Variants in PRICKLE2 observed in about 807,000 individuals in gnomAD.
The protein encoded by PRICKLE2 is prickle-like protein 2.
A neutral mutation model predicts 81.4 loss-of-function variants in PRICKLE2; 21 were observed. The ratio of observed to expected loss-of-function variants is 0.26; its 90% CI spans 0.18 to 0.37. The LOEUF (loss-of-function observed/expected upper bound fraction) is 0.37, where lower values mean the gene tolerates loss of function less well. PRICKLE2 is among the 10% of genes least tolerant of loss of function. PRICKLE2 has a pLI of 1.00. For missense variants in PRICKLE2, 940 were observed against 1,109.0 expected, an observed-to-expected ratio of 0.85 and a Z score of 2.16; for synonymous variants, 456 against 421.5, an observed-to-expected ratio of 1.08 and a Z score of -1.00.
At chr3:64,170,484 G>A (rs73124864) in intron 2 of PRICKLE2, among the ~76,000 whole-genome samples, 1 of 151,888 alleles carries the variant, frequency 6.6e-6, no homozygotes, top group Non-Finnish European at 1.5e-5. Context: ...TTTCACCTTT[G>A]TGCCTCTGCA....
At chr3:64,100,762 G>C (rs1385172805) in intron 7 of PRICKLE2, 1 of 152,236 alleles carries the variant, frequency 6.6e-6, no homozygotes, top group Non-Finnish European at 1.5e-5. Context: ...TTTGAAGGTA[G>C]TGGGAGATAC....
At chr3:64,217,103 C>T (rs961629519) in intron 1 of PRICKLE2, among the ~76,000 whole-genome samples, 4 of 152,140 alleles carry the variant, frequency 2.6e-5, no homozygotes, top group Non-Finnish European at 4.4e-5. Flanking sequence ...CCCCTGACTA[C>T]CTAACCAATG....
chr3:64,150,028 C>A (rs1663040922), intron 6 of PRICKLE2, among the ~76,000 whole-genome samples: 1 of 139,776 alleles, frequency 7.2e-6, no homozygotes. Flanking sequence ...CACCAGTGCT[C>A]CCCAGCAGAG....
rs112706347 is a variant in PRICKLE2, at chr3:64,174,631, A to C, written c.145-11502T>G. ...GCCTTTGTCAATGCAGAGTTCAAAG[A>C]TCTAAGCCTTGATGATAATGAGGGG... On this transcript the variant is annotated intron_variant, in intron 2 of 7. Coordinates refer to ENST00000638394, the MANE Select transcript of PRICKLE2 (RefSeq NM_198859.4). 365 of 189,238 alleles carry C rather than the reference A, an allele frequency of 1.9e-3. 1 individual carries two copies. Among genetic ancestry groups the C allele is most frequent in the African/African-American group, 5.1e-3 (213 of 42,132 alleles). 11.7% of individuals were successfully genotyped at this position (189,238 alleles called of 1,614,324 possible).
At chr3:64,105,048 C>T (rs1442708417) in intron 7 of PRICKLE2, among the ~76,000 whole-genome samples, 2 of 152,184 alleles carry the variant, frequency 1.3e-5, no homozygotes, top group Non-Finnish European at 2.9e-5. Context: ...CACTCCTCCT[C>T]GCTTAACTCT....
intron 1 of PRICKLE2, among the ~76,000 whole-genome samples, chr3:64,202,372 G>A (rs1208505322): frequency 6.6e-6 from 1 of 152,078 alleles, no homozygotes; most frequent in Non-Finnish European, 1.5e-5. Context: ...ATGATATTAA[G>A]TCTGCCAATC....
At chr3:64,217,705 GAGA>G (rs2078893640) in intron 1 of PRICKLE2, among the ~76,000 whole-genome samples, 1 of 152,162 alleles carries the variant, frequency 6.6e-6, no homozygotes, top group African/African-American at 2.4e-5. Flanking sequence ...GTGCTGTGTT[GAGA>G]AGGACTCTGG....
At chr3:64,169,212 A>T (rs2077890362) in intron 2 of PRICKLE2, among the ~76,000 whole-genome samples, 1 of 152,120 alleles carries the variant, frequency 6.6e-6, no homozygotes, top group Non-Finnish European at 1.5e-5. Context: ...TCCTGTCTGG[A>T]ATGTAAACAC....
rs2076613243 is a variant in PRICKLE2 at position 64,099,188 on chromosome 3, G to A, written c.2398C>T (p.Arg800Cys). Reference sequence around the variant, plus strand: ...TCATCGCTTGTGACGTATCGCAGGCGCGCTGGCTGGGGGATGGGTTCTCCT... The same window carrying A: ...TCATCGCTTGTGACGTATCGCAGGCACGCTGGCTGGGGGATGGGTTCTCCT... The part of the protein sequence containing the change: ...FLGEPIPQPA[R>C]LRYVTSDELL... The change falls in exon 8 of 8, where the codon CGC (arginine) becomes TGC (cysteine). Residue 800 changes from arginine (R) to cysteine (C), a missense_variant. Arg to Cys is a radical substitution (Grantham distance 180, BLOSUM62 -3). Around this residue, in one of 2 missense-constraint regions of PRICKLE2, gnomAD observed 670 missense variants for 717.2 expected, o/e 0.93. Coordinates refer to ENST00000638394, the MANE Select transcript of PRICKLE2 (RefSeq NM_198859.4). This position sits in a 1 kb window ranked among gnomAD's most constrained non-coding sequence, Gnocchi z 4.3. The A allele has an allele frequency of 1.9e-6, 3 of 1,614,084 alleles. No individual in the cohort carries two copies. The highest frequency in any genetic ancestry group is 2.2e-5 in the South Asian group (2 of 91,090).
At chr3:64,221,274 A>T (rs2078947433) in intron 1 of PRICKLE2, among the ~76,000 whole-genome samples, 1 of 151,952 alleles carries the variant, frequency 6.6e-6, no homozygotes, top group African/African-American at 2.4e-5. Flanking sequence ...CCTTATCCCC[A>T]GGGAAATAAC....
chr3:64,144,914 C>T (rs2077420751), intron 7 of PRICKLE2, among the ~76,000 whole-genome samples: 1 of 152,160 alleles, frequency 6.6e-6, no homozygotes, highest in African/African-American at 2.4e-5. Context: ...CAGTACTAAT[C>T]TCGCTGCTGA....
At chr3:64,142,215 C>T (rs568800434) in intron 7 of PRICKLE2, among the ~76,000 whole-genome samples, 100 of 152,066 alleles carry the variant, frequency 6.6e-4, no homozygotes, top group Non-Finnish European at 1.1e-3. Context: ...ACCATAGAAA[C>T]GCACACAAAA....
At chr3:64,205,585 T>C (rs1238183194) in intron 1 of PRICKLE2, among the ~76,000 whole-genome samples, 1 of 151,730 alleles carries the variant, frequency 6.6e-6, no homozygotes, top group Non-Finnish European at 1.5e-5. Flanking sequence ...TCTTGTTTTA[T>C]GTGAGAAGTG....
chr3:64,235,822 C>T (rs1008425635), intron 2 of PRICKLE2, among the ~76,000 whole-genome samples: 43 of 152,244 alleles, frequency 2.8e-4, no homozygotes, highest in African/African-American at 8.9e-4. Flanking sequence ...GCTGCCCCTC[C>T]CAGTGTGAAA....
chr3:64,248,498 G>T (rs914308892), intron 2 of PRICKLE2, among the ~76,000 whole-genome samples: 9 of 152,098 alleles, frequency 5.9e-5, no homozygotes, highest in Non-Finnish European at 1.2e-4. Context: ...ACCAAAAAAG[G>T]TCAGCCTTTC....
intron 2 of PRICKLE2, among the ~76,000 whole-genome samples, chr3:64,181,734 C>T (rs1383148269): frequency 6.6e-6 from 1 of 152,094 alleles, no homozygotes; most frequent in African/African-American, 2.4e-5. Flanking sequence ...AAATAACAGA[C>T]ATAAAATGAT....
intron 7 of PRICKLE2, among the ~76,000 whole-genome samples, chr3:64,131,800 T>C (rs2077200926): frequency 6.6e-6 from 1 of 152,222 alleles, no homozygotes; most frequent in African/African-American, 2.4e-5. Context: ...TACTGCCTCT[T>C]TGTAGTCTTG....
At chr3:64,111,821 T>C (rs2076851719) in intron 7 of PRICKLE2, among the ~76,000 whole-genome samples, 1 of 152,184 alleles carries the variant, frequency 6.6e-6, no homozygotes, top group African/African-American at 2.4e-5. Flanking sequence ...GCACTGCCTA[T>C]TGCTTGACTT....
At chr3:64,221,420 TACACACACACACACACAC>T (rs71808412) in intron 1 of PRICKLE2, among the ~76,000 whole-genome samples, 1 of 143,828 alleles carries the variant, frequency 7.0e-6, no homozygotes, top group African/African-American at 2.6e-5. Context: ...GCTTGATTCA[TACACACACACACACACAC>T]ACACACACAC....
Sources: gnomAD v4.1 joint callset for allele counts (sites outside exome capture counted in the v4.1 genomes callset) on GRCh38, gnomAD v4.1.1 for gene constraint, gnomAD v4.1.1 regional missense constraint, Gnocchi (gnomAD v3.1) non-coding constraint, MANE v1.5 for transcripts, NCBI Gene and HGNC (gene_info 2026-07-23, HGNC 2026-07-21) for gene names.